The following PCDH15 variants were observed in gnomAD, a reference collection of about 807,000 sequenced individuals.
PCDH15 encodes the protein protocadherin related 15, also known as protocadherin-15.
A neutral mutation model predicts 178.5 loss-of-function variants in PCDH15; 129 were observed. That is an observed-to-expected ratio of 0.72 (90% CI 0.63 to 0.84). PCDH15 has a LOEUF of 0.84. PCDH15 is among the 40% of genes least tolerant of loss of function. The pLI is 0.00. For missense variants in PCDH15, 2,230 were observed against 2,099.9 expected (o/e 1.06, Z -1.21); for synonymous variants, 800 against 732.0 (o/e 1.09, Z -1.50).
chr10:55,467,304 T>C (rs1290100004), intron 2 of PCDH15, among the ~76,000 whole-genome samples: 1 of 151,322 alleles, frequency 6.6e-6, no homozygotes, highest in Admixed American at 6.6e-5. Flanking sequence ...AGAGACAGAG[T>C]TGCTGTACAC....
At chr10:54,494,492 C>A (rs1049394965) in intron 3 of PCDH15, among the ~76,000 whole-genome samples, 4 of 152,024 alleles carry the variant, frequency 2.6e-5, no homozygotes, top group African/African-American at 9.7e-5. Context: ...CTCTTTCTGC[C>A]ACATCTCTAA....
rs1268724892 is a variant in PCDH15 at position 54,469,882 on chromosome 10, G to A, written c.157+57930C>T. ...TGGCCAGTCTCTAGGCTTGCAGTTG[G>A]TGCATACATGCGGGTACTAGCTGTG... On this transcript the variant is annotated intron_variant, in intron 3 of 37. Coordinates refer to ENST00000644397, the MANE Select transcript of PCDH15 (RefSeq NM_001384140.1). Among the ~76,000 whole-genome samples, 3 of 152,306 alleles carry A rather than the reference G, an allele frequency of 2.0e-5. No homozygotes were observed. In the East Asian group the frequency reaches 5.8e-4, roughly 29 times the overall value.
chr10:55,407,353 A>G (rs972253041), intron 2 of PCDH15, among the ~76,000 whole-genome samples: 2 of 152,204 alleles, frequency 1.3e-5, no homozygotes, highest in African/African-American at 4.8e-5. Context: ...TGACAGGGAT[A>G]AAAACTAGAG....
At chr10:55,335,989 G>A (rs1480831815) in intron 2 of PCDH15, among the ~76,000 whole-genome samples, 1 of 152,006 alleles carries the variant, frequency 6.6e-6, no homozygotes, top group Non-Finnish European at 1.5e-5. Context: ...TACTTTTCTA[G>A]AATGAGGTTT....
intron 2 of PCDH15, among the ~76,000 whole-genome samples, chr10:55,544,170 A>ATATATATATATG (rs1391811154): frequency 7.3e-6 from 1 of 137,874 alleles, no homozygotes; most frequent in African/African-American, 2.7e-5. Flanking sequence ...ATATATATAT[A>ATATATATATATG]TATATTATAC....
chr10:54,423,736 A>T (rs1359996847), intron 3 of PCDH15, among the ~76,000 whole-genome samples: 1 of 151,900 alleles, frequency 6.6e-6, no homozygotes, highest in Admixed American at 6.6e-5. Flanking sequence ...TTGGGAAAAA[A>T]GTTTGAGAGA....
intron 25 of PCDH15, among the ~76,000 whole-genome samples, chr10:53,934,167 G>A (rs1444812075): frequency 1.3e-5 from 2 of 152,100 alleles, no homozygotes; most frequent in Non-Finnish European, 2.9e-5. Flanking sequence ...GATAAGAGAA[G>A]ATTCAACACT....
At chr10:54,713,511 G>A (rs2095446505) in intron 1 of PCDH15, among the ~76,000 whole-genome samples, 1 of 152,060 alleles carries the variant, frequency 6.6e-6, no homozygotes, top group South Asian at 2.1e-4. Context: ...CGTTTAAGAA[G>A]TAACAGTTTA....
At chr10:55,043,704 T>C (rs994247827) in intron 2 of PCDH15, among the ~76,000 whole-genome samples, 1 of 148,104 alleles carries the variant, frequency 6.8e-6, no homozygotes, top group Non-Finnish European at 1.5e-5. Context: ...AGTGAGATCC[T>C]GTCTAAATAG....
intron 2 of PCDH15, among the ~76,000 whole-genome samples, chr10:55,590,636 G>A (rs1842826035): frequency 6.6e-6 from 1 of 152,032 alleles, no homozygotes; most frequent in African/African-American, 2.4e-5. Flanking sequence ...TTTGTCTGTA[G>A]TTTTTGCTAC....
chr10:55,464,171 G>T (rs189324764), intron 2 of PCDH15, among the ~76,000 whole-genome samples: 43 of 152,200 alleles, frequency 2.8e-4, no homozygotes, highest in African/African-American at 9.6e-4. Context: ...AATCATCATT[G>T]TTGCAATATA....
chr10:55,314,924 T>C lies in PCDH15; in HGVS notation c.-156+4675A>G, dbSNP rs1843685359. Among the ~76,000 whole-genome samples, 5 of 152,180 alleles carry C rather than the reference T, an allele frequency of 3.3e-5. No homozygotes were observed. The South Asian group carries it at 1.0e-3, about 31-fold the overall frequency. ...TTCACAATGAATTAAAATAATTGAA[T>C]ACATTATTATTAAGAATCACAGAAA... On this transcript the variant is annotated intron_variant, in intron 1 of 5. Coordinates refer to the PCDH15 transcript ENST00000458638.
At chr10:54,590,009 T>G (rs1456677460) in intron 2 of PCDH15, among the ~76,000 whole-genome samples, 1 of 152,196 alleles carries the variant, frequency 6.6e-6, no homozygotes, top group Non-Finnish European at 1.5e-5. Context: ...GCAGTATATA[T>G]TTTCCTAGAC....
chr10:54,210,079 T>C (rs918092541), intron 10 of PCDH15, among the ~76,000 whole-genome samples: 11 of 152,156 alleles, frequency 7.2e-5, no homozygotes, highest in Non-Finnish European at 1.5e-4. Flanking sequence ...ATGGCAAATA[T>C]GTAATTTTTC....
intron 2 of PCDH15, among the ~76,000 whole-genome samples, chr10:55,584,658 CAA>C (rs59983365): frequency 5.3e-4 from 38 of 72,250 alleles, no homozygotes; most frequent in East Asian, 1.2e-3. Flanking sequence ...ACTCTGTCTC[CAA>C]AAAAAAAAAA....
intron 18 of PCDH15, among the ~76,000 whole-genome samples, chr10:54,045,819 T>A (rs186302295): frequency 2.0e-5 from 3 of 152,216 alleles, no homozygotes; most frequent in African/African-American, 7.2e-5. Context: ...TAGTAACACT[T>A]ACAAAATGAT....
chr10:54,118,532 T>G (rs1365356818), intron 15 of PCDH15, among the ~76,000 whole-genome samples: 1 of 151,904 alleles, frequency 6.6e-6, no homozygotes, highest in African/African-American at 2.4e-5. Flanking sequence ...TGGTGGCAGG[T>G]GCCTGTAGTT....
chr10:54,372,950 G>C (rs144260401), intron 4 of PCDH15, among the ~76,000 whole-genome samples: 1,576 of 151,772 alleles, frequency 0.01, 23 homozygotes, highest in African/African-American at 0.036. Context: ...TCATTAAAAA[G>C]TGGGTTTGAG....
At chr10:55,074,346 C>A (rs1841826776) in intron 2 of PCDH15, among the ~76,000 whole-genome samples, 1 of 152,004 alleles carries the variant, frequency 6.6e-6, no homozygotes, top group Non-Finnish European at 1.5e-5. Context: ...AAAAGTGTTC[C>A]TATTTCTCCA....
Sources: gnomAD v4.1 joint callset for allele counts (sites outside exome capture counted in the v4.1 genomes callset) on GRCh38, gnomAD v4.1.1 for gene constraint, MANE v1.5 for transcripts, NCBI Gene and HGNC (gene_info 2026-07-23, HGNC 2026-07-21) for gene names.